USP4: variants seen among roughly 807,000 people sequenced by gnomAD.
USP4 encodes the protein ubiquitin carboxyl-terminal hydrolase 4.
In USP4, 72 loss-of-function variants were observed where a neutral mutation model predicts 118.2. The ratio of observed to expected loss-of-function variants is 0.61; its 90% CI spans 0.50 to 0.74. The LOEUF (loss-of-function observed/expected upper bound fraction) is 0.74, where lower values mean the gene tolerates loss of function less well. Among genes scored for constraint, USP4 ranks in the 30% least tolerant of loss-of-function variants. USP4 has a pLI of 0.00. For missense variants in USP4, 1,037 were observed against 1,185.7 expected (o/e 0.87, Z 1.84); for synonymous variants, 415 against 440.4 (o/e 0.94, Z 0.72).
Position 49,292,606 on chromosome 3 carries a change from AAG to A in USP4, c.1884-10_1884-9del. The A allele has an allele frequency of 1.3e-6, 2 of 1,544,638 alleles. No individual in the cohort carries two copies. The highest frequency in any genetic ancestry group is 2.4e-5 in the South Asian group (2 of 82,410). ...GGCTGTTTCACATAGCGGCTTCAAA[AAG>A]AGAAAAAGAGAAGAAAAAAAAGATT... On this transcript the variant is annotated splice_polypyrimidine_tract_variant and intron_variant, in intron 14 of 21. Coordinates refer to ENST00000265560, the MANE Select transcript of USP4 (RefSeq NM_003363.4).
In USP4 at chr3:49,305,777, C is replaced by T. The variant is rs1280465861; in HGVS notation, c.1066G>A (p.Ala356Thr). ...GMKGEIAEAY[A>T]ELIKQMWSGR... ...GACCACATCTGCTTAATGAGTTCAG[C>T]ATAGGCTTCTGCAATTTCCCCTTTC... The change falls in exon 9 of 22, where the codon GCT (alanine) becomes ACT (threonine). Residue 356 changes from alanine (A) to threonine (T), a missense_variant. This residue lies in a region of USP4 where 487 missense variants were observed against 534.1 expected (regional missense o/e 0.91). Coordinates refer to ENST00000265560, the MANE Select transcript of USP4 (RefSeq NM_003363.4). 1 of 1,614,064 alleles carries T rather than the reference C, an allele frequency of 6.2e-7. No individual in the cohort carries two copies. Among genetic ancestry groups the T allele is most frequent in the South Asian group, 1.1e-5 (1 of 91,036 alleles).
At chr3:49,280,967 C>T (rs980500535) in intron 19 of USP4, 120 bp from the exon 20 acceptor site, 7 of 700,294 alleles carry the variant, frequency 1.0e-5, no homozygotes, top group Admixed American at 9.7e-5. Flanking sequence ...TCAAACTATT[C>T]GAGAGAGACC....
intron 9 of USP4, among the ~76,000 whole-genome samples, chr3:49,304,467 C>G (rs1313051134): frequency 6.6e-6 from 1 of 152,168 alleles, no homozygotes; most frequent in Non-Finnish European, 1.5e-5. Flanking sequence ...AACTGCCCCT[C>G]ACATCACCTT....
At chr3:49,309,199 A>G (rs922659059) in intron 8 of USP4, among the ~76,000 whole-genome samples, 3 of 152,076 alleles carry the variant, frequency 2.0e-5, no homozygotes, top group Non-Finnish European at 4.4e-5. Flanking sequence ...CATGAGTATA[A>G]TAACTTTAAG....
intron 4 of USP4, among the ~76,000 whole-genome samples, 173 bp downstream of exon 4, chr3:49,325,546 A>G (rs1224910547): frequency 2.6e-5 from 4 of 152,076 alleles, no homozygotes; most frequent in Non-Finnish European, 5.9e-5. Context: ...TGTTCTCTCC[A>G]TAAGAATTCC....
At chr3:49,337,269 A>G (rs1038460070) in intron 1 of USP4, among the ~76,000 whole-genome samples, 9 of 151,296 alleles carry the variant, frequency 5.9e-5, no homozygotes, top group Admixed American at 4.6e-4. Context: ...CAGGAATAAA[A>G]CCCTGTCAAA....
At chr3:49,325,063 T>C (rs373499404) in intron 4 of USP4, 24 bp from the exon 5 acceptor site, 11 of 1,607,478 alleles carry the variant, frequency 6.8e-6, no homozygotes, top group African/African-American at 1.3e-5. Flanking sequence ...GAAATATCAC[T>C]TGGGGCTTTG....
At chr3:49,328,320 T>C (rs550138498) in intron 2 of USP4, among the ~76,000 whole-genome samples, 20 of 151,946 alleles carry the variant, frequency 1.3e-4, no homozygotes, top group Non-Finnish European at 2.5e-4. Flanking sequence ...ATCACGCCAC[T>C]GCACTCCAGC....
At chr3:49,326,673 G>C (rs1344085331) in intron 3 of USP4, among the ~76,000 whole-genome samples, 1 of 138,934 alleles carries the variant, frequency 7.2e-6, no homozygotes, top group Non-Finnish European at 1.6e-5. Flanking sequence ...GGGATTACAG[G>C]CGTGAGCCAC....
At chr3:49,291,008 G>A (rs373626650) in intron 15 of USP4, among the ~76,000 whole-genome samples, 44 of 151,852 alleles carry the variant, frequency 2.9e-4, no homozygotes, top group Middle Eastern at 6.8e-3. Flanking sequence ...TCAATCTGTC[G>A]CCCAGGCTGG....
At chr3:49,281,442 C>T (rs148038777) in intron 19 of USP4, among the ~76,000 whole-genome samples, 2,347 of 134,418 alleles carry the variant, frequency 0.017, 134 homozygotes, top group East Asian at 0.14. Flanking sequence ...GGCAACAGAG[C>T]GAGACTCCGT....
intron 2 of USP4, 43 bp downstream of exon 2, chr3:49,335,426 T>G: frequency 6.2e-7 from 1 of 1,613,746 alleles, no homozygotes; most frequent in Non-Finnish European, 8.5e-7. Flanking sequence ...ATCAGGCCAC[T>G]GCCCAGGTGA....
At chr3:49,322,053 G>T (rs1344009581) in intron 6 of USP4, among the ~76,000 whole-genome samples, 1 of 152,026 alleles carries the variant, frequency 6.6e-6, no homozygotes, top group Non-Finnish European at 1.5e-5. Context: ...TGCACCAAGT[G>T]ATACATCCAT....
intron 2 of USP4, among the ~76,000 whole-genome samples, chr3:49,328,859 A>C (rs1319232721): frequency 2.0e-5 from 3 of 151,956 alleles, no homozygotes; most frequent in Non-Finnish European, 4.4e-5. Flanking sequence ...ACTCTGTCTC[A>C]AAAGAAATAA....
chr3:49,289,694 A>C (rs890643997), intron 15 of USP4, among the ~76,000 whole-genome samples: 1 of 152,010 alleles, frequency 6.6e-6, no homozygotes, highest in East Asian at 1.9e-4. Context: ...AAGATGGTGA[A>C]ACCCCATCTC....
intron 8 of USP4, among the ~76,000 whole-genome samples, chr3:49,309,587 T>A (rs2047359001): frequency 6.6e-6 from 1 of 151,456 alleles, no homozygotes; most frequent in Non-Finnish European, 1.5e-5. Context: ...GGATTTTGGA[T>A]TTTCTCTAGT....
At position 49,340,003 on chromosome 3, in the gene USP4, G is replaced by C. The variant is rs143533593; in HGVS notation, c.22C>G (p.Arg8Gly). Residue 8 changes from arginine (R) to glycine (G), a missense_variant, in exon 1 of 22, where the codon CGT becomes GGT. This residue lies in a region of USP4 where 487 missense variants were observed against 534.1 expected (regional missense o/e 0.91). Coordinates refer to ENST00000265560, the MANE Select transcript of USP4 (RefSeq NM_003363.4). MAEGGGC[R>G]ERPDAETQKS... The stretch of plus-strand genomic sequence containing the variant: ...TGAGTCTCCGCATCCGGTCGCTCAC[G>C]GCAGCCTCCACCTTCCGCCATCTCC... 1.2e-4 allele frequency: 186 copies of C among 1,609,894 alleles called. No homozygotes were observed. Among genetic ancestry groups the C allele is most frequent in the African/African-American group, 4.1e-4 (31 of 75,042 alleles).
At chr3:49,335,348 G>C (rs1253764432) in intron 2 of USP4, 121 bp downstream of exon 2, 30 of 1,363,588 alleles carry the variant, frequency 2.2e-5, no homozygotes, top group Non-Finnish European at 2.9e-5. Context: ...GATGCAAAAT[G>C]AGGATACTTG....
chr3:49,317,451 C>G, intron 6 of USP4: 1 of 815,744 alleles, frequency 1.2e-6, no homozygotes, highest in Non-Finnish European at 2.1e-6. Flanking sequence ...GCGCCATGCC[C>G]TGCTGGGTCA....
Sources: gnomAD v4.1 joint callset for allele counts (sites outside exome capture counted in the v4.1 genomes callset) on GRCh38, gnomAD v4.1.1 for gene constraint, gnomAD v4.1.1 regional missense constraint, MANE v1.5 for transcripts, NCBI Gene and HGNC (gene_info 2026-07-23, HGNC 2026-07-21) for gene names.